NLGN1: variants seen among roughly 807,000 people sequenced by gnomAD.
NLGN1 encodes the protein neuroligin 1, also known as neuroligin-1.
NLGN1 carries 12 observed loss-of-function variants against 65.5 expected under a neutral mutation model. That is an observed-to-expected ratio of 0.18 (90% CI 0.12 to 0.30). The LOEUF (loss-of-function observed/expected upper bound fraction) is 0.30. NLGN1 is among the 10% of genes least tolerant of loss of function. NLGN1 has a pLI of 1.00. For synonymous variants in NLGN1, 350 were observed against 359.5 expected, an observed-to-expected ratio of 0.97 and a Z score of 0.30; for missense variants, 750 against 1,007.1, an observed-to-expected ratio of 0.74 and a Z score of 3.46.
At chr3:174,232,134 A>G (rs559174287) in intron 4 of NLGN1, among the ~76,000 whole-genome samples, 3 of 152,214 alleles carry the variant, frequency 2.0e-5, no homozygotes, top group Admixed American at 1.3e-4. Context: ...AGAGTCAACG[A>G]TGGGAGGTAG....
intron 4 of NLGN1, among the ~76,000 whole-genome samples, chr3:174,045,722 C>A (rs1733422983): frequency 6.6e-6 from 1 of 152,284 alleles, no homozygotes; most frequent in South Asian, 2.1e-4. Context: ...TAAATGGTAG[C>A]TCACTTTCTT....
chr3:173,917,080 T>G (rs1321206177), intron 4 of NLGN1, among the ~76,000 whole-genome samples: 1 of 152,196 alleles, frequency 6.6e-6, no homozygotes, highest in Non-Finnish European at 1.5e-5. Context: ...AAACTACTTC[T>G]AGCAAGAAAA....
At chr3:174,220,054 A>T (rs1232359617) in intron 4 of NLGN1, among the ~76,000 whole-genome samples, 1 of 149,934 alleles carries the variant, frequency 6.7e-6, no homozygotes, top group Non-Finnish European at 1.5e-5. Flanking sequence ...GGCAATCAGG[A>T]CAAAAGTGTC....
chr3:173,691,653 G>C (rs1447313560), intron 3 of NLGN1, among the ~76,000 whole-genome samples: 1 of 151,972 alleles, frequency 6.6e-6, no homozygotes, highest in Admixed American at 6.6e-5. Context: ...CCTAGAGCTT[G>C]TGTTGAGATC....
At chr3:173,589,483 A>C (rs1239416629) in intron 2 of NLGN1, among the ~76,000 whole-genome samples, 2 of 152,160 alleles carry the variant, frequency 1.3e-5, no homozygotes, top group African/African-American at 4.8e-5. Flanking sequence ...AAATAGACTA[A>C]TGTGTTTGCT....
At chr3:173,661,017 T>G (rs1760845605) in intron 3 of NLGN1, among the ~76,000 whole-genome samples, 1 of 151,974 alleles carries the variant, frequency 6.6e-6, no homozygotes, top group Admixed American at 6.6e-5. Context: ...CTGAAAAGAC[T>G]GAAAAGCAAA....
intron 4 of NLGN1, among the ~76,000 whole-genome samples, chr3:174,089,316 GC>G (rs1167390445): frequency 6.6e-6 from 1 of 152,090 alleles, no homozygotes; most frequent in Non-Finnish European, 1.5e-5. Context: ...AACTTATCTA[GC>G]CATTCTCAGT....
intron 4 of NLGN1, among the ~76,000 whole-genome samples, chr3:174,054,876 C>G (rs908979985): frequency 6.6e-6 from 1 of 152,002 alleles, no homozygotes; most frequent in Non-Finnish European, 1.5e-5. Context: ...AATTAGCACA[C>G]TCTTAAATTA....
rs562207366 is a variant in NLGN1 at position 173,442,373 on chromosome 3, T to G, written c.-321+7295T>G. ...TGATCATATTTTCTATCAAACAAGT[T>G]TTTCATTATACAGTTAAATTGGTTT... On this transcript the variant is annotated intron_variant, in intron 2 of 6. Coordinates refer to ENST00000457714, the Ensembl canonical transcript of NLGN1. 8.3e-4 allele frequency among the ~76,000 whole-genome samples: 127 copies of G among 152,286 alleles called. 1 individual carries two copies. The highest frequency in any genetic ancestry group is 3.4e-3 in the Middle Eastern group (1 of 294).
At chr3:173,679,486 A>G (rs1450159922) in intron 3 of NLGN1, among the ~76,000 whole-genome samples, 1 of 152,224 alleles carries the variant, frequency 6.6e-6, no homozygotes, top group East Asian at 1.9e-4. Context: ...GGGATAAAAA[A>G]GACTGAGAAG....
intron 4 of NLGN1, among the ~76,000 whole-genome samples, chr3:174,144,686 A>G (rs561662951): frequency 2.0e-5 from 3 of 151,984 alleles, no homozygotes; most frequent in Non-Finnish European, 2.9e-5. Context: ...GCTTTTTTTC[A>G]TATGTTTGTT....
intron 2 of NLGN1, among the ~76,000 whole-genome samples, chr3:173,493,225 C>T (rs769662689): frequency 1.3e-5 from 2 of 151,678 alleles, no homozygotes; most frequent in Non-Finnish European, 2.9e-5. Flanking sequence ...GCTATTGAGC[C>T]GCTTTTCTGA....
intron 3 of NLGN1, among the ~76,000 whole-genome samples, chr3:173,790,159 T>A (rs1712355704): frequency 6.6e-6 from 1 of 152,142 alleles, no homozygotes; most frequent in African/African-American, 2.4e-5. Flanking sequence ...AATATATATA[T>A]GTGTGTATAT....
intron 2 of NLGN1, among the ~76,000 whole-genome samples, chr3:173,524,483 C>G (rs774825881): frequency 4.6e-5 from 7 of 152,104 alleles, no homozygotes; most frequent in Non-Finnish European, 8.8e-5. Flanking sequence ...TAAGGGTTGT[C>G]CGTGTATACA....
intron 3 of NLGN1, among the ~76,000 whole-genome samples, chr3:173,642,582 C>T (rs1560096147): frequency 6.6e-6 from 1 of 152,164 alleles, no homozygotes; most frequent in Non-Finnish European, 1.5e-5. Flanking sequence ...ATTCATGAGA[C>T]ATGGGGTAGT....
chr3:173,429,066 A>G (rs1339816457), intron 1 of NLGN1, among the ~76,000 whole-genome samples: 3 of 151,912 alleles, frequency 2.0e-5, no homozygotes, highest in Non-Finnish European at 4.4e-5. Context: ...TTCTCTTACT[A>G]TTTTTTAAAT....
At chr3:174,227,148 C>G (rs879455184) in intron 4 of NLGN1, among the ~76,000 whole-genome samples, 3 of 152,064 alleles carry the variant, frequency 2.0e-5, no homozygotes, top group Non-Finnish European at 4.4e-5. Flanking sequence ...CTTAACCTGC[C>G]AGGTTCACAT....
chr3:173,970,259 A>G lies in NLGN1; in HGVS notation c.646+162427A>G, dbSNP rs115491220. Reference sequence around the variant, plus strand: ...TTAGTGGAGGGTGAAACAAGTAAACATTAGTGAAGACTAGTAATATTTTGT... The same window carrying G: ...TTAGTGGAGGGTGAAACAAGTAAACGTTAGTGAAGACTAGTAATATTTTGT... On this transcript the variant is annotated intron_variant, in intron 4 of 6. Transcript: ENST00000457714. 2.5e-3 allele frequency among the ~76,000 whole-genome samples: 383 copies of G among 152,308 alleles called. 2 individuals are homozygous for G. The highest frequency in any genetic ancestry group is 8.7e-3 in the African/African-American group (363 of 41,578).
chr3:173,993,131 C>T (rs190797012), intron 4 of NLGN1, among the ~76,000 whole-genome samples: 8 of 152,114 alleles, frequency 5.3e-5, no homozygotes, highest in Admixed American at 6.5e-5. Context: ...TTTATGTCAC[C>T]GGGACACAGT....
Sources: allele counts gnomAD v4.1 joint callset (sites outside exome capture counted in the v4.1 genomes callset), GRCh38; gene constraint gnomAD v4.1.1; transcripts MANE v1.5; gene names NCBI Gene and HGNC (gene_info 2026-07-23, HGNC 2026-07-21).